Variants in SAMSN1 observed in about 807,000 individuals in gnomAD.
SAMSN1 encodes SAM domain, SH3 domain and nuclear localization signals 1.
SAMSN1 carries 31 observed loss-of-function variants against 42.0 expected under a neutral mutation model. That is an observed-to-expected ratio of 0.74 (90% CI 0.55 to 1.00). The LOEUF (loss-of-function observed/expected upper bound fraction) is 1.00. Among genes scored for constraint, SAMSN1 ranks in the 50% least tolerant of loss-of-function variants. The probability of loss-of-function intolerance (pLI) is 0.00; values close to 1 mark genes in which losing one functional copy is unlikely to be tolerated. For missense variants in SAMSN1, 464 were observed against 439.4 expected, an observed-to-expected ratio of 1.06 and a Z score of -0.50; for synonymous variants, 178 against 151.9, an observed-to-expected ratio of 1.17 and a Z score of -1.26.
chr21:14,607,696 T>G (rs1033030685), intron 5 of SAMSN1, among the ~76,000 whole-genome samples: 4 of 152,224 alleles, frequency 2.6e-5, no homozygotes, highest in Non-Finnish European at 4.4e-5. Flanking sequence ...GCTTTTTCAG[T>G]GTAGCTATAA....
At chr21:14,493,570 GAACAACACACACACACAC>G (rs1986782731) in intron 7 of SAMSN1, among the ~76,000 whole-genome samples, 1 of 81,676 alleles carries the variant, frequency 1.2e-5, no homozygotes. Context: ...TGTGTTTATG[GAACAACACACACACACAC>G]ACACACACAC....
At chr21:14,607,532 T>C (rs750005498) in intron 5 of SAMSN1, among the ~76,000 whole-genome samples, 4 of 152,224 alleles carry the variant, frequency 2.6e-5, no homozygotes, top group Non-Finnish European at 5.9e-5. Context: ...CTGAGGTTCT[T>C]GGACACACAC....
intron 7 of SAMSN1, chr21:14,591,353 T>C (rs1982078075): frequency 1.3e-5 from 2 of 152,182 alleles, no homozygotes; most frequent in African/African-American, 4.8e-5. Context: ...GAGGACCTAA[T>C]CTACGGGAGG....
rs2822779 is a variant in SAMSN1 at position 14,580,553 on chromosome 21, A to G, written c.261+1583T>C. Among the ~76,000 whole-genome samples, 1,209 of 152,352 alleles carry G rather than the reference A, an allele frequency of 7.9e-3. 13 individuals carry two copies. Among genetic ancestry groups the G allele is most frequent in the African/African-American group, 0.027 (1,142 of 41,578 alleles). ...TAAGAGAAAACCTGCAAAGTGCAGC[A>G]GTCCCAGAAAAGAAGATGAAGATTA... On this transcript the variant is annotated intron_variant, in intron 2 of 8. Transcript: ENST00000285670.
chr21:14,542,670 C>T (rs1038414113), intron 1 of SAMSN1, among the ~76,000 whole-genome samples: 1 of 152,174 alleles, frequency 6.6e-6, no homozygotes, highest in Non-Finnish European at 1.5e-5. Flanking sequence ...TGTGGTTGCT[C>T]ATGCCTGTAA....
intron 3 of SAMSN1, among the ~76,000 whole-genome samples, chr21:14,514,996 A>C (rs190201000): frequency 9.1e-4 from 139 of 152,302 alleles, no homozygotes; most frequent in African/African-American, 3.2e-3. Context: ...AGATGTTTCA[A>C]GGGATGAGAA....
chr21:14,512,211 G>A (rs1012218191), intron 4 of SAMSN1, among the ~76,000 whole-genome samples: 7 of 152,084 alleles, frequency 4.6e-5, no homozygotes, highest in African/African-American at 7.2e-5. Context: ...GGAGTATCCC[G>A]AGGAGCCCCG....
intron 1 of SAMSN1, among the ~76,000 whole-genome samples, chr21:14,527,523 C>T (rs1394088689): frequency 4.6e-5 from 7 of 152,160 alleles, no homozygotes; most frequent in South Asian, 2.1e-4. Context: ...ATATTTTCAA[C>T]GTACATCTGG....
intron 1 of SAMSN1, among the ~76,000 whole-genome samples, chr21:14,652,750 C>G (rs1294200721): frequency 6.6e-6 from 1 of 151,892 alleles, no homozygotes; most frequent in Admixed American, 6.6e-5. Context: ...AAGAAACAAC[C>G]CACAGAATGG....
Position 14,512,357 on chromosome 21 carries a change from C to A in SAMSN1, c.409+87G>T, listed in dbSNP as rs529456739. The A allele has an allele frequency of 1.2e-4, 164 of 1,395,398 alleles. No homozygotes were observed. In the African/African-American group the frequency reaches 1.3e-3, roughly 11 times the overall value. 86.4% of individuals were successfully genotyped at this position (1,395,398 alleles called of 1,614,324 possible). Reference sequence around the variant, plus strand: ...CATTTCTCTTATCAAGTAGCTGGAACCTTGTGGCTGATTTAACTTGTTGTT... The same window carrying A: ...CATTTCTCTTATCAAGTAGCTGGAAACTTGTGGCTGATTTAACTTGTTGTT... On this transcript the variant is annotated intron_variant, in intron 4 of 7. Coordinates refer to ENST00000400566, the MANE Select transcript of SAMSN1 (RefSeq NM_022136.5).
At chr21:14,511,957 T>A (rs763589752) in intron 4 of SAMSN1, among the ~76,000 whole-genome samples, 28 of 151,992 alleles carry the variant, frequency 1.8e-4, no homozygotes, top group Admixed American at 6.6e-4. Context: ...TTGATGCAAA[T>A]GTGCTACATT....
At chr21:14,537,281 C>G (rs1311358493) in intron 1 of SAMSN1, among the ~76,000 whole-genome samples, 1 of 152,202 alleles carries the variant, frequency 6.6e-6, no homozygotes, top group African/African-American at 2.4e-5. Context: ...ATCCCAAGAC[C>G]AGCTCCTTCA....
intron 2 of SAMSN1, among the ~76,000 whole-genome samples, chr21:14,559,629 T>G (rs1254354260): frequency 6.6e-6 from 1 of 152,046 alleles, no homozygotes; most frequent in South Asian, 2.1e-4. Flanking sequence ...CCTCCTGTAT[T>G]GCTAGGACTA....
chr21:14,513,163 A>G (rs1470269737), intron 3 of SAMSN1, among the ~76,000 whole-genome samples: 1 of 152,222 alleles, frequency 6.6e-6, no homozygotes, highest in African/African-American at 2.4e-5. Context: ...AAGACAGACA[A>G]TTTCAAAACA....
intron 4 of SAMSN1, among the ~76,000 whole-genome samples, chr21:14,511,226 C>T (rs150561042): frequency 2.0e-5 from 3 of 152,312 alleles, no homozygotes; most frequent in African/African-American, 7.2e-5. Flanking sequence ...AGATGCTCCA[C>T]ATTGTATGTG....
chr21:14,486,338 G>T (rs1986436911), intron 7 of SAMSN1, among the ~76,000 whole-genome samples: 1 of 152,064 alleles, frequency 6.6e-6, no homozygotes, highest in South Asian at 2.1e-4. Context: ...GCCCTTCATT[G>T]TTCATTTGCA....
rs371140048 is a variant in SAMSN1 at position 14,570,777 on chromosome 21, T to C, written c.261+11359A>G. Among the ~76,000 whole-genome samples the C allele has an allele frequency of 1.1e-4, 16 of 152,200 alleles. No homozygotes were observed. In the East Asian group the frequency reaches 2.1e-3, roughly 20 times the overall value. ...ATTTTCTTCACTGTATGTAGAGTGA[T>C]CTTTCCAAAATATCAACTCAAGCCT... On this transcript the variant is annotated intron_variant, in intron 2 of 8. Coordinates refer to the SAMSN1 transcript ENST00000285670.
intron 6 of SAMSN1, among the ~76,000 whole-genome samples, chr21:14,595,011 G>C (rs1430128669): frequency 1.3e-5 from 2 of 152,108 alleles, no homozygotes; most frequent in African/African-American, 4.8e-5. Context: ...TTACATTTCA[G>C]GAGCAAGAGC....
At chr21:14,513,868 A>G (rs1272632659) in intron 3 of SAMSN1, among the ~76,000 whole-genome samples, 1 of 152,222 alleles carries the variant, frequency 6.6e-6, no homozygotes, top group Non-Finnish European at 1.5e-5. Flanking sequence ...AGTGTGAGAA[A>G]GGAGAATATT....
Sources: allele counts gnomAD v4.1 joint callset (sites outside exome capture counted in the v4.1 genomes callset), GRCh38; gene constraint gnomAD v4.1.1; transcripts MANE v1.5; gene names NCBI Gene and HGNC (gene_info 2026-07-23, HGNC 2026-07-21).